PDE8A: variants seen among roughly 807,000 people sequenced by gnomAD.
PDE8A encodes high affinity cAMP-specific and IBMX-insensitive 3',5'-cyclic phosphodiesterase 8A.
PDE8A carries 59 observed loss-of-function variants against 105.0 expected under a neutral mutation model. The observed-to-expected ratio is 0.56, with a 90% CI of 0.46 to 0.70. The LOEUF (loss-of-function observed/expected upper bound fraction) is 0.70, where lower values mean the gene tolerates loss of function less well. PDE8A is among the 30% of genes least tolerant of loss of function. The pLI is 0.00. For synonymous variants in PDE8A, 355 were observed against 371.9 expected (o/e 0.95, Z 0.52); for missense variants, 1,014 against 1,045.9 (o/e 0.97, Z 0.42).
chr15:85,090,726 T>C, intron 7 of PDE8A: 2 of 467,444 alleles, frequency 4.3e-6, no homozygotes, highest in Non-Finnish European at 8.5e-6. Flanking sequence ...AGCCCTGTTG[T>C]AGCAGCTCCT....
At position 85,087,567 on chromosome 15, in the gene PDE8A, T is replaced by C. The variant is rs182298456; in HGVS notation, c.636-1771T>C. 3.3e-3 allele frequency among the ~76,000 whole-genome samples: 502 copies of C among 152,326 alleles called. 5 individuals are homozygous for C. Among genetic ancestry groups the C allele is most frequent in the Non-Finnish European group, 5.7e-3 (389 of 68,028 alleles). ...TTTATAAGCAGGCAGTTTTCTTTTTTTTCATCTTCTGAGGCCAGAGAATCT... is the reference window on the plus strand; with the variant it reads ...TTTATAAGCAGGCAGTTTTCTTTTTCTTCATCTTCTGAGGCCAGAGAATCT... On this transcript the variant is annotated intron_variant, in intron 6 of 21. Transcript: ENST00000394553.
intron 3 of PDE8A, among the ~76,000 whole-genome samples, chr15:85,074,914 G>A (rs1253366405): frequency 6.6e-6 from 1 of 152,150 alleles, no homozygotes; most frequent in East Asian, 1.9e-4. Flanking sequence ...GACTTGACTA[G>A]GGCAGTCTGG....
chr15:85,046,871 C>A (rs988958841), intron 1 of PDE8A, among the ~76,000 whole-genome samples: 1 of 152,154 alleles, frequency 6.6e-6, no homozygotes. Flanking sequence ...ATCAAAACTT[C>A]TAATAATTTG....
chr15:85,054,104 A>T (rs1050175872), intron 1 of PDE8A, among the ~76,000 whole-genome samples: 1 of 149,886 alleles, frequency 6.7e-6, no homozygotes, highest in South Asian at 2.1e-4. Flanking sequence ...GGTTCTGTTT[A>T]TATGCTGGAT....
Position 85,107,285 on chromosome 15 carries a change from T to TA in PDE8A, c.1037-1767dup, listed in dbSNP as rs1035342304. Among the ~76,000 whole-genome samples the TA allele has an allele frequency of 7.6e-4, 116 of 152,142 alleles. 2 individuals are homozygous for TA. The highest frequency in any genetic ancestry group is 2.7e-3 in the African/African-American group (113 of 41,436). On this transcript the variant is annotated intron_variant, in intron 11 of 21. Transcript: ENST00000394553. ...ATAAATAGTTCAAGGTGGATAGAGATAGGAGGTGCAGACCTCATAGGACTC... is the reference window on the plus strand; with the variant it reads ...ATAAATAGTTCAAGGTGGATAGAGATAAGGAGGTGCAGACCTCATAGGACTC...
chr15:85,118,749 G>A (rs2082134745), intron 17 of PDE8A, among the ~76,000 whole-genome samples: 1 of 152,192 alleles, frequency 6.6e-6, no homozygotes, highest in Admixed American at 6.5e-5. Flanking sequence ...CCCTTGACTG[G>A]GGCCTAAGAT....
rs570434808 is a variant in PDE8A, at chr15:85,104,615, A to G, written c.1036+4417A>G. Among the ~76,000 whole-genome samples the G allele has an allele frequency of 2.6e-5, 4 of 152,260 alleles. No homozygotes were observed. In the East Asian group the frequency reaches 7.8e-4, roughly 30 times the overall value. The stretch of plus-strand genomic sequence containing the variant: ...CAGCTTACTGTGTGGGATAAAGAGA[A>G]GACTTCAGAATGACACCAAGATATC... On this transcript the variant is annotated intron_variant, in intron 11 of 21. Coordinates refer to ENST00000394553, the MANE Select transcript of PDE8A (RefSeq NM_002605.3).
intron 20 of PDE8A, among the ~76,000 whole-genome samples, chr15:85,130,841 C>A (rs1476355407): frequency 2.0e-5 from 3 of 152,158 alleles, no homozygotes; most frequent in Non-Finnish European, 4.4e-5. Flanking sequence ...CTCACTGCAA[C>A]CTCTGCCTCC....
intron 1 of PDE8A, among the ~76,000 whole-genome samples, chr15:85,026,728 G>A (rs289396): frequency 0.69 from 104,680 of 151,966 alleles, 36,501 homozygotes; most frequent in Non-Finnish European, 0.75. Flanking sequence ...GCAGTGAACT[G>A]TGATCATACC....
At chr15:85,108,795 C>T (rs1034372768) in intron 11 of PDE8A, among the ~76,000 whole-genome samples, 1 of 152,072 alleles carries the variant, frequency 6.6e-6, no homozygotes. Flanking sequence ...TCAGTTGTCA[C>T]TTTATGTCTT....
At chr15:85,136,443 G>A (rs2082411113) in intron 20 of PDE8A, 91 bp from the exon 21 acceptor site, 2 of 1,383,502 alleles carry the variant, frequency 1.4e-6, no homozygotes, top group Non-Finnish European at 2.0e-6. Context: ...ACCTTAGGCT[G>A]CCAGGAGAAG....
chr15:85,092,604 G>T (rs1185214984), intron 8 of PDE8A, among the ~76,000 whole-genome samples: 1 of 152,118 alleles, frequency 6.6e-6, no homozygotes, highest in Non-Finnish European at 1.5e-5. Flanking sequence ...TGAGCCAGTG[G>T]TTTTGTTGTG....
chr15:85,128,225 C>G (rs1488741551), intron 20 of PDE8A, among the ~76,000 whole-genome samples: 1 of 152,078 alleles, frequency 6.6e-6, no homozygotes, highest in African/African-American at 2.4e-5. Flanking sequence ...CAACAACCAG[C>G]CAGGTGCAGT....
chr15:84,984,663 G>C (rs113026734), intron 1 of PDE8A, among the ~76,000 whole-genome samples: 69 of 152,282 alleles, frequency 4.5e-4, no homozygotes, highest in African/African-American at 1.6e-3. Context: ...TATGTACTTT[G>C]CGTTAAAGTG....
At chr15:85,025,213 G>A (rs1167575018) in intron 1 of PDE8A, among the ~76,000 whole-genome samples, 2 of 152,036 alleles carry the variant, frequency 1.3e-5, no homozygotes, top group African/African-American at 2.4e-5. Context: ...TTGACTTGAG[G>A]CTCCCCCAAC....
rs755934347 is a variant in PDE8A at position 85,075,918 on chromosome 15, G to A, written c.491G>A (p.Arg164Lys). Residue 164 changes from arginine to lysine, a missense_variant and splice_region_variant, in exon 4 of 22, where the codon AGG (arginine) becomes AAG (lysine). By Grantham distance (26) the Arg-to-Lys change is conservative (BLOSUM62 2). Transcript: ENST00000394553. The stretch of plus-strand genomic sequence containing the variant: ...ACAGTTATTGTTGGTGTAGTACGCA[G>A]GTAAACTTTCATTTTTTTAATGTTG... ...ENTVIVGVVR[R>K]VDREELSVMP... 4.5e-6 allele frequency: 7 copies of A among 1,543,654 alleles called. No individual in the cohort carries two copies. The highest frequency in any genetic ancestry group is 1.4e-5 in the African/African-American group (1 of 73,314).
At chr15:85,101,220 A>G (rs1264129745) in intron 11 of PDE8A, among the ~76,000 whole-genome samples, 1 of 152,216 alleles carries the variant, frequency 6.6e-6, no homozygotes, top group East Asian at 1.9e-4. Context: ...TCTGAAGCAC[A>G]GTTTTTATGG....
intron 2 of PDE8A, 73 bp from the exon 3 acceptor site, chr15:85,066,941 G>GAA: frequency 2.6e-6 from 3 of 1,172,754 alleles, no homozygotes; most frequent in Non-Finnish European, 3.7e-6. Context: ...TCTGTCTCAA[G>GAA]AAAAAAAAAG....
rs548963238 is a variant in PDE8A at position 85,133,590 on chromosome 15, T to C, written c.2254-2944T>C. On this transcript the variant is annotated intron_variant, in intron 20 of 21. Transcript: ENST00000394553. ...TGGTTGCTGTAGACTTTTGACTGTT[T>C]TCCAGAGTTCCTGTAAGGTTATTTT... Among the ~76,000 whole-genome samples the C allele has an allele frequency of 5.3e-4, 81 of 152,298 alleles. 2 individuals are homozygous for C. The highest frequency in any genetic ancestry group is 1.9e-3 in the African/African-American group (77 of 41,562).
Sources: allele counts gnomAD v4.1 joint callset (sites outside exome capture counted in the v4.1 genomes callset), GRCh38; gene constraint gnomAD v4.1.1; transcripts MANE v1.5; gene names NCBI Gene and HGNC (gene_info 2026-07-23, HGNC 2026-07-21).